PPP2R3A: variants seen among roughly 807,000 people sequenced by gnomAD.
The protein encoded by PPP2R3A is protein phosphatase 2 regulatory subunit B''alpha.
In PPP2R3A, 80 loss-of-function variants were observed where a neutral mutation model predicts 106.9. That is an observed-to-expected ratio of 0.75 (90% CI 0.62 to 0.90). PPP2R3A has a LOEUF of 0.90. PPP2R3A is among the 40% of genes least tolerant of loss of function. The probability of loss-of-function intolerance (pLI) is 0.00; values close to 1 mark genes in which losing one functional copy is unlikely to be tolerated. For synonymous variants in PPP2R3A, 483 were observed against 468.3 expected (o/e 1.03, Z -0.41); for missense variants, 1,386 against 1,350.4 (o/e 1.03, Z -0.41).
At chr3:135,975,867 A>G (rs1937405085) in intron 1 of PPP2R3A, among the ~76,000 whole-genome samples, 1 of 152,162 alleles carries the variant, frequency 6.6e-6, no homozygotes, top group Admixed American at 6.6e-5. Context: ...AAGCACTGAT[A>G]ATATTGAATA....
intron 10 of PPP2R3A, among the ~76,000 whole-genome samples, chr3:136,096,408 A>G (rs912622673): frequency 1.3e-5 from 2 of 152,204 alleles, no homozygotes; most frequent in African/African-American, 4.8e-5. Context: ...TAGGATCTAG[A>G]GTCTTTCCTA....
chr3:135,991,153 G>T (rs13078865), intron 1 of PPP2R3A, among the ~76,000 whole-genome samples: 97,651 of 151,986 alleles, frequency 0.64, 33,374 homozygotes, highest in African/African-American at 0.88. Flanking sequence ...TGTATCCACT[G>T]TCCTGCCCGC....
intron 13 of PPP2R3A, among the ~76,000 whole-genome samples, chr3:136,123,643 C>T (rs1187894514): frequency 2.6e-5 from 4 of 152,160 alleles, no homozygotes; most frequent in Middle Eastern, 3.4e-3. Context: ...AGACATTTTA[C>T]CCAGGAAACA....
chr3:136,007,691 A>G (rs540786429), intron 2 of PPP2R3A, among the ~76,000 whole-genome samples: 1 of 152,340 alleles, frequency 6.6e-6, no homozygotes, highest in African/African-American at 2.4e-5. Flanking sequence ...TTCTTACAGT[A>G]CGCTATATAC....
intron 2 of PPP2R3A, among the ~76,000 whole-genome samples, chr3:136,014,487 A>G (rs774605412): frequency 1.3e-5 from 2 of 152,072 alleles, no homozygotes; most frequent in East Asian, 1.9e-4. Context: ...TATGTCATCT[A>G]TGATTTTTTT....
chr3:136,038,776 A>G (rs1935164905), intron 3 of PPP2R3A, among the ~76,000 whole-genome samples: 2 of 152,192 alleles, frequency 1.3e-5, no homozygotes, highest in African/African-American at 4.8e-5. Context: ...AGGATTGGGG[A>G]AAGTGGATTC....
intron 10 of PPP2R3A, among the ~76,000 whole-genome samples, chr3:136,098,252 G>A (rs1327649190): frequency 6.6e-6 from 1 of 152,186 alleles, no homozygotes; most frequent in Non-Finnish European, 1.5e-5. Flanking sequence ...AGAGGTTGAG[G>A]CTGCAGTGAG....
At chr3:136,039,431 A>C (rs2107842902) in intron 3 of PPP2R3A, among the ~76,000 whole-genome samples, 1 of 152,214 alleles carries the variant, frequency 6.6e-6, no homozygotes, top group East Asian at 1.9e-4. Context: ...CCTTTTTGGC[A>C]CCAGGGACTA....
intron 6 of PPP2R3A, among the ~76,000 whole-genome samples, chr3:136,078,003 C>G (rs1936652852): frequency 6.6e-6 from 1 of 152,126 alleles, no homozygotes; most frequent in African/African-American, 2.4e-5. Context: ...AATCATTAGG[C>G]CAACCCAGGA....
At chr3:136,122,887 G>A (rs984824433) in intron 13 of PPP2R3A, among the ~76,000 whole-genome samples, 2 of 152,142 alleles carry the variant, frequency 1.3e-5, no homozygotes, top group Non-Finnish European at 2.9e-5. Context: ...TGTCATTAGC[G>A]ATTAAAGGAG....
chr3:136,144,998 T>C (rs1311611862), intron 13 of PPP2R3A, 45 bp from the exon 14 acceptor site: 4 of 1,588,380 alleles, frequency 2.5e-6, no homozygotes, highest in Non-Finnish European at 3.4e-6. Flanking sequence ...CTACCCAAAC[T>C]TTAATCAATC....
At chr3:136,035,716 T>C (rs1432073511) in intron 3 of PPP2R3A, among the ~76,000 whole-genome samples, 1 of 152,238 alleles carries the variant, frequency 6.6e-6, no homozygotes, top group Non-Finnish European at 1.5e-5. Flanking sequence ...CAGTGATCTT[T>C]GTGTGATGAA....
chr3:136,132,293 T>C (rs1289551245), intron 13 of PPP2R3A, among the ~76,000 whole-genome samples: 1 of 152,136 alleles, frequency 6.6e-6, no homozygotes, highest in Non-Finnish European at 1.5e-5. Context: ...AAAAAACTTT[T>C]TAAAGGCATT....
intron 1 of PPP2R3A, among the ~76,000 whole-genome samples, chr3:135,994,792 G>A (rs13098245): frequency 0.27 from 40,568 of 152,002 alleles, 5,785 homozygotes; most frequent in Non-Finnish European, 0.32. Context: ...GCCTTTTTCT[G>A]TCTCTGTGCC....
chr3:136,144,548 C>G (rs1440197173), intron 13 of PPP2R3A, among the ~76,000 whole-genome samples: 1 of 152,008 alleles, frequency 6.6e-6, no homozygotes, highest in Non-Finnish European at 1.5e-5. Context: ...GTAGTCCCAG[C>G]TACTGAGGAG....
At chr3:136,107,431 C>CTTTTTTTTTTTTTTTTTTTTTTTTTT (rs11324496) in intron 13 of PPP2R3A, among the ~76,000 whole-genome samples, 2 of 71,428 alleles carry the variant, frequency 2.8e-5, no homozygotes, top group African/African-American at 5.4e-5. Context: ...TACATGAATT[C>CTTTTTTTTTTTTTTTTTTTTTTTTTT]TTTTTTTTTT....
chr3:135,980,446 C>CA (rs35803634), intron 1 of PPP2R3A, among the ~76,000 whole-genome samples: 2,064 of 136,862 alleles, frequency 0.015, 32 homozygotes, highest in Non-Finnish European at 0.018. Flanking sequence ...TAAAATGTTC[C>CA]AAAAAAAAAA....
At chr3:136,100,569 CT>C (rs1023532029) in intron 10 of PPP2R3A, among the ~76,000 whole-genome samples, 1 of 151,750 alleles carries the variant, frequency 6.6e-6, no homozygotes, top group African/African-American at 2.4e-5. Context: ...ATCCCAGCTA[CT>C]TAGGAGGCTG....
intron 13 of PPP2R3A, among the ~76,000 whole-genome samples, chr3:136,129,389 C>A (rs1172371813): frequency 1.3e-5 from 2 of 152,152 alleles, no homozygotes; most frequent in Non-Finnish European, 2.9e-5. Flanking sequence ...CTATAAACAC[C>A]TCTATGCAAA....
Sources: gnomAD v4.1 joint callset for allele counts (sites outside exome capture counted in the v4.1 genomes callset) on GRCh38, gnomAD v4.1.1 for gene constraint, MANE v1.5 for transcripts, NCBI Gene and HGNC (gene_info 2026-07-23, HGNC 2026-07-21) for gene names.